The following NDUFA10 variants were observed in gnomAD, a reference collection of about 807,000 sequenced individuals.
NDUFA10 encodes the protein NADH:ubiquinone oxidoreductase subunit A10.
Under a neutral mutation model 47.8 loss-of-function variants are expected in NDUFA10, and 40 were observed. The observed-to-expected ratio is 0.84, with a 90% CI of 0.65 to 1.09. The LOEUF is 1.09. Among genes scored for constraint, NDUFA10 ranks in the 50% least tolerant of loss-of-function variants. The probability of loss-of-function intolerance (pLI) is 0.00; values close to 1 mark genes in which losing one functional copy is unlikely to be tolerated. For missense variants in NDUFA10, 413 were observed against 451.1 expected, an observed-to-expected ratio of 0.92 and a Z score of 0.76; for synonymous variants, 183 against 172.2, an observed-to-expected ratio of 1.06 and a Z score of -0.49.
intron 4 of NDUFA10, among the ~76,000 whole-genome samples, chr2:239,899,878 G>A (rs1053774303): frequency 9.2e-5 from 14 of 151,666 alleles, no homozygotes; most frequent in Admixed American, 1.3e-4. Flanking sequence ...GTCACCAGCC[G>A]GGAAGCCCAC....
chr2:239,960,558 T>G lies in NDUFA10; in HGVS notation c.*560A>C. ...CTTTTGCTATTTCTTCTTCACGTTCTTATTTTTTCTACTCTAATGTAGCAC... is the reference window on the plus strand; with the variant it reads ...CTTTTGCTATTTCTTCTTCACGTTCGTATTTTTTCTACTCTAATGTAGCAC... On this transcript the variant is annotated 3_prime_UTR_variant, in exon 10 of 10. Coordinates refer to ENST00000252711, the MANE Select transcript of NDUFA10 (RefSeq NM_004544.4). 1.0e-6 allele frequency: 1 copy of G among 999,056 alleles called. No homozygotes were observed. The highest frequency in any genetic ancestry group is 4.3e-5 in the South Asian group (1 of 23,044). 61.9% of individuals were successfully genotyped at this position (999,056 alleles called of 1,614,324 possible).
chr2:240,001,725 T>C (rs1696728945), intron 8 of NDUFA10, among the ~76,000 whole-genome samples: 1 of 152,234 alleles, frequency 6.6e-6, no homozygotes, highest in African/African-American at 2.4e-5. Flanking sequence ...AATAAACCAA[T>C]GTTTGATGGC....
At position 239,950,951 on chromosome 2, in the gene NDUFA10, C is replaced by G. The variant is rs189704112; in HGVS notation, c.294+39123G>C. 4.6e-4 allele frequency among the ~76,000 whole-genome samples: 70 copies of G among 152,348 alleles called. 1 individual carries two copies. The South Asian group carries it at 7.2e-3, about 16-fold the overall frequency. ...TTTCAAGTCAGCGTCCCACTGGCCA[C>G]CTGCTGGCCAGGGCTTCCAGTACGT... On this transcript the variant is annotated intron_variant, in intron 4 of 5. Transcript: ENST00000419408.
chr2:239,985,084 C>T (rs745961707), intron 9 of NDUFA10, among the ~76,000 whole-genome samples: 4 of 152,164 alleles, frequency 2.6e-5, no homozygotes, highest in Non-Finnish European at 5.9e-5. Context: ...GAGATGACTC[C>T]AGGCAAAGTC....
At chr2:239,984,716 G>A (rs1695927308) in intron 9 of NDUFA10, among the ~76,000 whole-genome samples, 1 of 152,238 alleles carries the variant, frequency 6.6e-6, no homozygotes, top group Admixed American at 6.5e-5. Context: ...AGGCTGTAAA[G>A]GCAACAGGGC....
intron 4 of NDUFA10, among the ~76,000 whole-genome samples, chr2:239,900,084 T>G (rs912598501): frequency 1.3e-5 from 2 of 152,058 alleles, no homozygotes; most frequent in Admixed American, 1.3e-4. Flanking sequence ...TGGTGGATGC[T>G]TCCTGCCCCT....
intron 4 of NDUFA10, among the ~76,000 whole-genome samples, chr2:239,907,692 A>G (rs1344852726): frequency 1.3e-5 from 2 of 152,104 alleles, no homozygotes; most frequent in Non-Finnish European, 2.9e-5. Flanking sequence ...CAAAACCACA[A>G]TGAGATACCA....
chr2:239,976,822 C>T (rs540969702), intron 9 of NDUFA10, among the ~76,000 whole-genome samples: 1 of 152,226 alleles, frequency 6.6e-6, no homozygotes, highest in East Asian at 1.9e-4. Flanking sequence ...CAGAGTGGCC[C>T]TAGGAAGGAG....
At chr2:239,964,916 T>C (rs1178599759) in intron 9 of NDUFA10, among the ~76,000 whole-genome samples, 1 of 152,162 alleles carries the variant, frequency 6.6e-6, no homozygotes, top group Non-Finnish European at 1.5e-5. Flanking sequence ...ACCAACCTGC[T>C]GCAAACCCAC....
rs1346602278 is a variant in NDUFA10 at position 239,958,718 on chromosome 2, T to C, written c.*2400A>G. On this transcript the variant is annotated 3_prime_UTR_variant, in exon 10 of 10. Transcript: ENST00000252711. ...AAGAAGCTCAATGTTCTTAACAATT[T>C]GGTTTTAACAGTTGATGGAACAGAA... is the stretch of plus-strand genomic sequence containing the variant. The C allele has an allele frequency of 6.1e-6, 1 of 163,930 alleles. No homozygotes were observed. Among genetic ancestry groups the C allele is most frequent in the East Asian group, 1.9e-4 (1 of 5,242 alleles). The allele number at this position is 163,930 out of a possible 1,614,324, so 10.2% of individuals were successfully genotyped here. A position where few individuals can be genotyped will look rare whatever the true frequency, so the allele number is the denominator to read the frequency against.
intron 1 of NDUFA10, among the ~76,000 whole-genome samples, chr2:240,023,346 C>CA (rs1697718588): frequency 6.6e-6 from 1 of 151,994 alleles, no homozygotes; most frequent in Admixed American, 6.5e-5. Context: ...AACCTTGCTA[C>CA]AAAAAAACAA....
intron 8 of NDUFA10, among the ~76,000 whole-genome samples, chr2:240,002,910 C>T (rs1301816953): frequency 6.6e-6 from 1 of 152,030 alleles, no homozygotes; most frequent in Non-Finnish European, 1.5e-5. Context: ...AGTACCGTGG[C>T]GTGAACACAG....
intron 4 of NDUFA10, among the ~76,000 whole-genome samples, chr2:239,919,758 C>A (rs1693937131): frequency 6.6e-6 from 1 of 152,226 alleles, no homozygotes; most frequent in Non-Finnish European, 1.5e-5. Context: ...GGCTTCTCCA[C>A]CTGCAGCCTC....
chr2:239,907,926 T>C (rs1390514802), intron 4 of NDUFA10, among the ~76,000 whole-genome samples: 3 of 152,200 alleles, frequency 2.0e-5, no homozygotes, highest in Admixed American at 2.0e-4. Context: ...TAAATCGTGC[T>C]GCTATAAAGA....
chr2:239,992,485 T>C (rs1360672569), intron 8 of NDUFA10, among the ~76,000 whole-genome samples: 1 of 152,224 alleles, frequency 6.6e-6, no homozygotes, highest in African/African-American at 2.4e-5. Context: ...CAAAGTTCTA[T>C]CTGAAACACT....
intron 9 of NDUFA10, among the ~76,000 whole-genome samples, chr2:239,967,603 C>T (rs944443876): frequency 3.3e-5 from 5 of 152,190 alleles, no homozygotes; most frequent in Admixed American, 6.5e-5. Context: ...CAATTACTTC[C>T]TAAGTGCCCA....
intron 9 of NDUFA10, among the ~76,000 whole-genome samples, chr2:239,972,137 ATGTGTGTGTG>A (rs4149568): frequency 0.1 from 15,173 of 150,348 alleles, 912 homozygotes; most frequent in African/African-American, 0.16. Flanking sequence ...TTCATGAAGG[ATGTGTGTGTG>A]TGTGTGTGTG....
intron 4 of NDUFA10, among the ~76,000 whole-genome samples, chr2:239,939,339 G>T (rs989466760): frequency 3.9e-5 from 6 of 152,242 alleles, no homozygotes; most frequent in African/African-American, 1.4e-4. Flanking sequence ...CTGGGTTTGT[G>T]GGGAGGGCGA....
At chr2:239,972,421 G>A (rs1695341038) in intron 9 of NDUFA10, among the ~76,000 whole-genome samples, 1 of 151,960 alleles carries the variant, frequency 6.6e-6, no homozygotes, top group Non-Finnish European at 1.5e-5. Context: ...AAGTTCTGGG[G>A]TGATTTGGAA....
Sources: gnomAD v4.1 joint callset for allele counts (sites outside exome capture counted in the v4.1 genomes callset) on GRCh38, gnomAD v4.1.1 for gene constraint, MANE v1.5 for transcripts, NCBI Gene and HGNC (gene_info 2026-07-23, HGNC 2026-07-21) for gene names.